NPFFR2: variants seen among roughly 807,000 people sequenced by gnomAD.
The protein encoded by NPFFR2 is G-protein coupled receptor 74.
Under a neutral mutation model 13.1 loss-of-function variants are expected in NPFFR2, and 15 were observed. The ratio of observed to expected loss-of-function variants is 1.15; its 90% CI spans 0.77 to 1.76. NPFFR2 has a LOEUF of 1.76. NPFFR2 is among the 40% of genes most tolerant of loss of function. The pLI is 0.00. For synonymous variants in NPFFR2, 190 were observed against 175.7 expected, an observed-to-expected ratio of 1.08 and a Z score of -0.65; for missense variants, 572 against 503.5, an observed-to-expected ratio of 1.14 and a Z score of -1.30.
In NPFFR2 at chr4:72,129,276, C is replaced by T. The variant is rs575565491; in HGVS notation, c.328+357C>T. Among the ~76,000 whole-genome samples, 31 of 149,912 alleles carry T rather than the reference C, an allele frequency of 2.1e-4. 1 individual carries two copies. The highest frequency in any genetic ancestry group is 1.8e-3 in the East Asian group (9 of 5,042). On this transcript the variant is annotated intron_variant, in intron 2 of 3. Coordinates refer to ENST00000308744, the MANE Select transcript of NPFFR2 (RefSeq NM_004885.3). The stretch of plus-strand genomic sequence containing the variant: ...TGTGGGTGTTTCTCGTAAGGTGGGA[C>T]GAGAGATTTGGAAAAGAAAAAGACA...
chr4:72,041,219 G>C (rs1278520836), intron 1 of NPFFR2, among the ~76,000 whole-genome samples: 1 of 152,020 alleles, frequency 6.6e-6, no homozygotes, highest in Non-Finnish European at 1.5e-5. Flanking sequence ...CCAATGATTA[G>C]CTCCCTCTTA....
At chr4:72,078,769 C>G (rs1720514670) in intron 1 of NPFFR2, among the ~76,000 whole-genome samples, 2 of 151,968 alleles carry the variant, frequency 1.3e-5, no homozygotes, top group African/African-American at 4.8e-5. Context: ...CAAACATACC[C>G]AAATTTTTGA....
chr4:72,142,746 T>A (rs974057130), intron 3 of NPFFR2, among the ~76,000 whole-genome samples: 1 of 152,196 alleles, frequency 6.6e-6, no homozygotes, highest in Non-Finnish European at 1.5e-5. Flanking sequence ...TGAGCTAAAA[T>A]CTGAAATTTT....
intron 1 of NPFFR2, among the ~76,000 whole-genome samples, chr4:72,108,359 T>C (rs975390805): frequency 7.9e-5 from 12 of 152,034 alleles, no homozygotes; most frequent in African/African-American, 1.2e-4. Context: ...ACAAGAACAT[T>C]CATTTCAATC....
Position 72,147,429 on chromosome 4 carries a change from A to G in NPFFR2, c.880A>G (p.Met294Val). The G allele has an allele frequency of 6.2e-7, 1 of 1,614,120 alleles. No homozygotes were observed. The highest frequency in any genetic ancestry group is 8.5e-7 in the Non-Finnish European group (1 of 1,180,024). The change falls in exon 4 of 4, where the codon ATG becomes GTG. Residue 294 changes from methionine to valine, a missense_variant. Physicochemically the swap from Met to Val is conservative, Grantham distance 21 (BLOSUM62 1). Coordinates refer to ENST00000308744, the MANE Select transcript of NPFFR2 (RefSeq NM_004885.3). Reference sequence around the variant, plus strand: ...CTCATGGCTGCCCCTGTGGACTCTAATGATGCTCTCAGACTACGCTGACCT... The same window carrying G: ...CTCATGGCTGCCCCTGTGGACTCTAGTGATGCTCTCAGACTACGCTGACCT... The part of the protein sequence containing the change: ...ILSWLPLWTL[M>V]MLSDYADLSP...
At chr4:72,036,782 A>G (rs1719050801) in intron 1 of NPFFR2, among the ~76,000 whole-genome samples, 1 of 151,802 alleles carries the variant, frequency 6.6e-6, no homozygotes, top group Non-Finnish European at 1.5e-5. Flanking sequence ...GAGAGGATAA[A>G]CATTTCTTTA....
At chr4:72,129,044 C>T in intron 2 of NPFFR2, 125 bp downstream of exon 2, 1 of 703,504 alleles carries the variant, frequency 1.4e-6, no homozygotes, top group East Asian at 2.6e-5. Context: ...AGGAACTGAT[C>T]CAGGCACCTG....
chr4:72,041,154 TC>T (rs1019634721), intron 1 of NPFFR2, among the ~76,000 whole-genome samples: 1 of 152,098 alleles, frequency 6.6e-6, no homozygotes, highest in African/African-American at 2.4e-5. Flanking sequence ...CTTCCTCCCT[TC>T]CCCTTCTTGT....
At chr4:72,068,085 C>T (rs4694460) in intron 1 of NPFFR2, among the ~76,000 whole-genome samples, 136,844 of 152,110 alleles carry the variant, frequency 0.9, 62,509 homozygotes, top group Non-Finnish European at 0.98. Context: ...ATCTACTTCC[C>T]TATATTTTGG....
intron 1 of NPFFR2, among the ~76,000 whole-genome samples, chr4:72,116,391 G>T (rs972756954): frequency 4.6e-5 from 7 of 151,516 alleles, no homozygotes; most frequent in Non-Finnish European, 5.9e-5. Context: ...TAAAGATGGG[G>T]ACAATGGACA....
At chr4:72,092,012 C>A (rs866400381) in intron 1 of NPFFR2, among the ~76,000 whole-genome samples, 1 of 151,918 alleles carries the variant, frequency 6.6e-6, no homozygotes, top group African/African-American at 2.4e-5. Context: ...TTTGCTATAT[C>A]CCAGATATTC....
chr4:72,112,790 AT>A, intron 1 of NPFFR2, among the ~76,000 whole-genome samples: 1 of 152,024 alleles, frequency 6.6e-6, no homozygotes, highest in African/African-American at 2.4e-5. Flanking sequence ...ACATTGTGAG[AT>A]AGGAAATTAC....
chr4:72,073,904 G>T (rs533696258), intron 1 of NPFFR2, among the ~76,000 whole-genome samples: 1 of 151,420 alleles, frequency 6.6e-6, no homozygotes, highest in East Asian at 1.9e-4. Context: ...GAAAGGAATA[G>T]AAATATTTCA....
intron 1 of NPFFR2, among the ~76,000 whole-genome samples, chr4:72,113,883 T>C (rs568057882): frequency 6.6e-6 from 1 of 152,232 alleles, no homozygotes; most frequent in South Asian, 2.1e-4. Flanking sequence ...TATAAAATAT[T>C]GCCACCTTAT....
chr4:72,128,519 A>T, intron 1 of NPFFR2, 66 bp from the exon 2 acceptor site: 1 of 954,372 alleles, frequency 1.0e-6, no homozygotes, highest in Admixed American at 2.8e-5. Flanking sequence ...TCTTAAACTC[A>T]GGCACAGAAT....
chr4:72,114,103 C>G (rs976294145), intron 1 of NPFFR2, among the ~76,000 whole-genome samples: 3 of 152,034 alleles, frequency 2.0e-5, no homozygotes, highest in Non-Finnish European at 2.9e-5. Flanking sequence ...GTCACTTGCC[C>G]TCTTATTTTC....
rs1463017686 is a variant in NPFFR2, at chr4:72,147,151, G to C, written c.602G>C (p.Ser201Thr). 1 of 1,614,052 alleles carries C rather than the reference G, an allele frequency of 6.2e-7. No homozygotes were observed. The highest frequency in any genetic ancestry group is 1.1e-5 in the South Asian group (1 of 91,066). The change falls in exon 4 of 4, where the codon AGT (serine) becomes ACT (threonine). Residue 201 changes from serine to threonine, a missense_variant. Physicochemically the swap from Ser to Thr is moderately conservative, Grantham distance 58. Transcript: ENST00000308744. ...AGACTCAACTCCCAGAATAAAACCA[G>C]TCCAGTCTACTGGTGCCGGGAAGAC... ...RVRLNSQNKT[S>T]PVYWCREDWP... is the part of the protein sequence containing the mutation.
chr4:72,050,203 A>G (rs1288353116), intron 1 of NPFFR2, among the ~76,000 whole-genome samples: 1 of 152,040 alleles, frequency 6.6e-6, no homozygotes, highest in Non-Finnish European at 1.5e-5. Context: ...TGTAAGTCTC[A>G]ATCTCCAAAC....
At chr4:72,070,632 T>A (rs189737712) in intron 1 of NPFFR2, among the ~76,000 whole-genome samples, 1 of 150,042 alleles carries the variant, frequency 6.7e-6, no homozygotes, top group East Asian at 2.0e-4. Flanking sequence ...TTGTGATAGT[T>A]ATTTTATCAG....
Sources: gnomAD v4.1 joint callset for allele counts (sites outside exome capture counted in the v4.1 genomes callset) on GRCh38, gnomAD v4.1.1 for gene constraint, MANE v1.5 for transcripts, NCBI Gene and HGNC (gene_info 2026-07-23, HGNC 2026-07-21) for gene names.